AGBL1: variants seen among roughly 807,000 people sequenced by gnomAD.
AGBL1 encodes the protein cytosolic carboxypeptidase 4.
A neutral mutation model predicts 118.9 loss-of-function variants in AGBL1; 130 were observed. That is an observed-to-expected ratio of 1.09 (90% confidence interval 0.95 to 1.26). AGBL1 has a LOEUF of 1.26. Among genes scored for constraint, AGBL1 ranks in the 50% most tolerant of loss-of-function variants. The probability of loss-of-function intolerance (pLI) is 0.00; values close to 1 mark genes in which losing one functional copy is unlikely to be tolerated. For missense variants in AGBL1, 1,584 were observed against 1,298.1 expected (o/e 1.22, Z -3.38); for synonymous variants, 555 against 478.9 (o/e 1.16, Z -2.08).
At chr15:86,396,133 AT>A (rs537059478) in intron 17 of AGBL1, among the ~76,000 whole-genome samples, 424 of 111,712 alleles carry the variant, frequency 3.8e-3, no homozygotes, top group African/African-American at 0.015. Flanking sequence ...AAAATCATAT[AT>A]TCATATATAT....
intron 22 of AGBL1, among the ~76,000 whole-genome samples, chr15:86,762,959 C>G (rs188458212): frequency 1.1e-4 from 17 of 151,984 alleles, no homozygotes; most frequent in Admixed American, 2.6e-4. Flanking sequence ...AGGGAAAACA[C>G]CATAGCACTG....
At chr15:86,825,432 G>A (rs1266489149) in intron 22 of AGBL1, among the ~76,000 whole-genome samples, 2 of 65,350 alleles carry the variant, frequency 3.1e-5, no homozygotes, top group African/African-American at 1.1e-4. Context: ...AAGGTTGCAA[G>A]CCAGATATCT....
At chr15:87,017,330 G>C (rs531643798) in intron 24 of AGBL1, among the ~76,000 whole-genome samples, 1 of 152,104 alleles carries the variant, frequency 6.6e-6, no homozygotes, top group Non-Finnish European at 1.5e-5. Flanking sequence ...TTCCAGATTG[G>C]ATGAGACTTC....
chr15:86,450,057 C>G (rs2082174306), intron 18 of AGBL1, among the ~76,000 whole-genome samples: 1 of 152,172 alleles, frequency 6.6e-6, no homozygotes, highest in South Asian at 2.1e-4. Context: ...TATAAGTACC[C>G]CTGCCATCAA....
rs537609594 is a variant in AGBL1 at position 86,834,190 on chromosome 15, A to G, written c.3159-72897A>G. On this transcript the variant is annotated intron_variant, in intron 22 of 22. Coordinates refer to ENST00000614907, the MANE Select transcript of AGBL1 (RefSeq NM_001386094.1). The stretch of plus-strand genomic sequence containing the variant: ...TTTGTGCTTCTGTACCCCAAAACAA[A>G]GGTAAAAACAAGTGTTTGCAGCAAC... 1.5e-3 allele frequency among the ~76,000 whole-genome samples: 221 copies of G among 152,278 alleles called. 2 individuals carry two copies. Among genetic ancestry groups the G allele is most frequent in the Middle Eastern group, 0.014 (4 of 294 alleles).
chr15:86,185,916 C>T (rs894765247), intron 5 of AGBL1, among the ~76,000 whole-genome samples: 4 of 152,104 alleles, frequency 2.6e-5, no homozygotes, highest in Admixed American at 1.3e-4. Flanking sequence ...TTAAAAAAAT[C>T]GTTTCCAGTT....
At chr15:86,738,850 A>G (rs1409756933) in intron 22 of AGBL1, among the ~76,000 whole-genome samples, 3 of 152,186 alleles carry the variant, frequency 2.0e-5, no homozygotes, top group Non-Finnish European at 2.9e-5. Context: ...ACTTAAAAAA[A>G]TATCCCAGCC....
At chr15:86,764,175 G>A (rs1257473080) in intron 22 of AGBL1, among the ~76,000 whole-genome samples, 11 of 151,978 alleles carry the variant, frequency 7.2e-5, no homozygotes, top group Admixed American at 2.6e-4. Context: ...TGGAACCATT[G>A]AACCTTACAA....
chr15:86,636,366 T>G (rs1349744250), intron 21 of AGBL1, among the ~76,000 whole-genome samples: 17 of 152,090 alleles, frequency 1.1e-4, no homozygotes, highest in Admixed American at 1.1e-3. Context: ...TTTCACCGTT[T>G]CATCTGGACA....
intron 18 of AGBL1, among the ~76,000 whole-genome samples, chr15:86,505,882 T>C (rs1203402954): frequency 1.3e-5 from 2 of 152,056 alleles, no homozygotes; most frequent in Non-Finnish European, 2.9e-5. Context: ...AAATTTTAAA[T>C]ACATAATGTT....
At chr15:86,867,896 T>C (rs1414850788) in intron 22 of AGBL1, among the ~76,000 whole-genome samples, 4 of 152,094 alleles carry the variant, frequency 2.6e-5, no homozygotes, top group African/African-American at 9.7e-5. Flanking sequence ...TATACAGATA[T>C]CCCAATGAAC....
In AGBL1 at chr15:86,219,209, A is replaced by G. The variant is rs1412573761; in HGVS notation, c.489-5705A>G. 2.0e-5 allele frequency among the ~76,000 whole-genome samples: 3 copies of G among 152,150 alleles called. No individual in the cohort carries two copies. The East Asian group carries it at 5.8e-4, about 29-fold the overall frequency. ...AGGCTCACTGCCTGCAAACACATAT[A>G]CAGAGATAAACCCACTTCCTCACTT... is the stretch of plus-strand genomic sequence containing the variant. On this transcript the variant is annotated intron_variant, in intron 5 of 22. Transcript: ENST00000614907.
intron 24 of AGBL1, among the ~76,000 whole-genome samples, chr15:87,008,042 G>T (rs559527078): frequency 6.6e-6 from 1 of 152,196 alleles, no homozygotes; most frequent in Admixed American, 6.5e-5. Flanking sequence ...AGGTGTGATG[G>T]TTAGTTTTAG....
At chr15:86,965,730 C>T (rs1223385743) in intron 23 of AGBL1, among the ~76,000 whole-genome samples, 2 of 151,998 alleles carry the variant, frequency 1.3e-5, no homozygotes, top group African/African-American at 4.8e-5. Flanking sequence ...GGAAAAACAT[C>T]GTTCTCAGCA....
rs577485864 is a variant in AGBL1, at chr15:86,082,284, G to T, written c.51+2261G>T. The stretch of plus-strand genomic sequence containing the variant: ...CTAGGTGAGCTCACATTGTTTCTGA[G>T]AAAGGGTTAGCTGAACCTGTCTCAG... On this transcript the variant is annotated intron_variant, in intron 1 of 22. Coordinates refer to ENST00000614907, the MANE Select transcript of AGBL1 (RefSeq NM_001386094.1). Among the ~76,000 whole-genome samples, 9 of 152,346 alleles carry T rather than the reference G, an allele frequency of 5.9e-5. No individual in the cohort carries two copies. In the East Asian group the frequency reaches 1.7e-3, roughly 29 times the overall value.
Position 86,338,159 on chromosome 15 carries a change from A to C in AGBL1, c.2374+42751A>C, listed in dbSNP as rs189248737. On this transcript the variant is annotated intron_variant, in intron 17 of 22. Coordinates refer to ENST00000614907, the MANE Select transcript of AGBL1 (RefSeq NM_001386094.1). ...GGGCTCTGAATTATGAGAAAAGGTC[A>C]GGAAGTCTCTGTGAAAGGTAACAGT... Among the ~76,000 whole-genome samples the C allele has an allele frequency of 3.2e-3, 480 of 152,332 alleles. 4 individuals carry two copies. Among genetic ancestry groups the C allele is most frequent in the African/African-American group, 0.011 (457 of 41,578 alleles).
Position 86,608,977 on chromosome 15 carries a change from C to T in AGBL1, c.2994+54440C>T, listed in dbSNP as rs1248647347. 2.0e-5 allele frequency among the ~76,000 whole-genome samples: 3 copies of T among 152,102 alleles called. No homozygotes were observed. The East Asian group carries it at 5.8e-4, about 29-fold the overall frequency. ...ACAAGAAACTGCATCTTGGCAAACACAAGGTGGCTATGTGGAATATGACAC... is the reference window on the plus strand; with the variant it reads ...ACAAGAAACTGCATCTTGGCAAACATAAGGTGGCTATGTGGAATATGACAC... On this transcript the variant is annotated intron_variant, in intron 21 of 22. Coordinates refer to ENST00000614907, the MANE Select transcript of AGBL1 (RefSeq NM_001386094.1).
chr15:86,485,055 C>T (rs1442139411), intron 18 of AGBL1, among the ~76,000 whole-genome samples: 2 of 152,150 alleles, frequency 1.3e-5, no homozygotes, highest in African/African-American at 2.4e-5. Flanking sequence ...AAGAGCAGAG[C>T]ACATCCAGCC....
chr15:86,581,239 G>A (rs1049188118), intron 21 of AGBL1, among the ~76,000 whole-genome samples: 25 of 152,134 alleles, frequency 1.6e-4, no homozygotes, highest in African/African-American at 5.8e-4. Flanking sequence ...CGACATTTAA[G>A]CTTAATGGAG....
Sources: gnomAD v4.1 joint callset for allele counts (sites outside exome capture counted in the v4.1 genomes callset) on GRCh38, gnomAD v4.1.1 for gene constraint, MANE v1.5 for transcripts, NCBI Gene and HGNC (gene_info 2026-07-23, HGNC 2026-07-21) for gene names.